Variants in RAB1A observed in about 807,000 individuals in gnomAD.
RAB1A encodes RAB1A, member RAS oncogene family.
RAB1A carries 2 observed loss-of-function variants against 26.0 expected under a neutral mutation model. The ratio of observed to expected loss-of-function variants is 0.08; its 90% CI spans 0.03 to 0.24. RAB1A has a LOEUF of 0.24. RAB1A is among the 10% of genes least tolerant of loss of function. The pLI, the probability that RAB1A is intolerant of heterozygous loss-of-function variation, is 1.00. For missense variants in RAB1A, 100 were observed against 247.0 expected (o/e 0.40, Z 3.99); for synonymous variants, 84 against 84.9 (o/e 0.99, Z 0.06).
Position 65,095,090 on chromosome 2 carries a change from C to T in RAB1A, c.192+2881G>A, listed in dbSNP as rs1421887476. ...TAGTGAGCTGACCGCTGCACTCTAGCGAGGGAGACAAAGTGAAATTTTTGT... is the reference window on the plus strand; with the variant it reads ...TAGTGAGCTGACCGCTGCACTCTAGTGAGGGAGACAAAGTGAAATTTTTGT... On this transcript the variant is annotated intron_variant, in intron 3 of 5. Transcript: ENST00000409784. 2.0e-5 allele frequency among the ~76,000 whole-genome samples: 3 copies of T among 151,542 alleles called. 1 individual carries two copies. The highest frequency in any genetic ancestry group is 4.2e-4 in the South Asian group (2 of 4,802).
intron 3 of RAB1A, among the ~76,000 whole-genome samples, chr2:65,093,843 C>G (rs763561507): frequency 6.6e-6 from 1 of 151,972 alleles, no homozygotes; most frequent in Non-Finnish European, 1.5e-5. Context: ...AGGCTGGTCA[C>G]GAACTCCTGA....
At chr2:65,121,130 A>C (rs1669954136) in intron 1 of RAB1A, among the ~76,000 whole-genome samples, 1 of 148,600 alleles carries the variant, frequency 6.7e-6, no homozygotes, top group African/African-American at 2.5e-5. Flanking sequence ...GTTACTCAGG[A>C]GGCTGAGACA....
chr2:65,105,099 C>T (rs943596730), intron 1 of RAB1A, among the ~76,000 whole-genome samples: 3 of 152,198 alleles, frequency 2.0e-5, no homozygotes, highest in African/African-American at 7.2e-5. Context: ...CACTCTTGGA[C>T]TGCCCAAGAT....
intron 2 of RAB1A, among the ~76,000 whole-genome samples, chr2:65,099,290 G>A (rs1669361969): frequency 6.6e-6 from 1 of 152,110 alleles, no homozygotes; most frequent in South Asian, 2.1e-4. Flanking sequence ...TATGTTTCCT[G>A]TCAATTTTTT....
At chr2:65,096,422 TA>T (rs2103832458) in intron 3 of RAB1A, among the ~76,000 whole-genome samples, 1 of 152,316 alleles carries the variant, frequency 6.6e-6, no homozygotes, top group Admixed American at 6.5e-5. Flanking sequence ...GACAGTGTCC[TA>T]TAAGATCCCT....
At chr2:65,114,401 G>A (rs774398609) in intron 1 of RAB1A, among the ~76,000 whole-genome samples, 1 of 152,092 alleles carries the variant, frequency 6.6e-6, no homozygotes. Flanking sequence ...TCAGCTGTAA[G>A]TACCTTAGAA....
intron 3 of RAB1A, among the ~76,000 whole-genome samples, chr2:65,091,987 T>C (rs1460464882): frequency 6.6e-6 from 1 of 152,178 alleles, no homozygotes; most frequent in African/African-American, 2.4e-5. Flanking sequence ...TTTAAAAAAC[T>C]GTTGGGACTG....
intron 2 of RAB1A, among the ~76,000 whole-genome samples, chr2:65,102,896 A>G (rs1573073236): frequency 6.6e-6 from 1 of 151,936 alleles, no homozygotes; most frequent in African/African-American, 2.4e-5. Context: ...ACTGCACTCC[A>G]GCCTGGGCAA....
intron 1 of RAB1A, among the ~76,000 whole-genome samples, chr2:65,107,970 A>G (rs529077523): frequency 2.5e-4 from 37 of 149,910 alleles, no homozygotes; most frequent in Non-Finnish European, 3.8e-4. Flanking sequence ...AGGCTGACCC[A>G]TGAGAATTGC....
chr2:65,117,570 C>G (rs1302226271), intron 1 of RAB1A, among the ~76,000 whole-genome samples: 1 of 151,800 alleles, frequency 6.6e-6, no homozygotes. Flanking sequence ...ATTTTAAATT[C>G]TTTTTTTTGT....
intron 1 of RAB1A, among the ~76,000 whole-genome samples, chr2:65,125,864 CTTTTTTTTTTTTTTT>C (rs55930968): frequency 1.3e-5 from 1 of 74,728 alleles, no homozygotes; most frequent in African/African-American, 5.4e-5. Flanking sequence ...TTTCAATTGC[CTTTTTTTTTTTTTTT>C]TTTTTTTTTT....
chr2:65,098,387 ATATTT>A (rs959738978), intron 2 of RAB1A, among the ~76,000 whole-genome samples: 2 of 152,176 alleles, frequency 1.3e-5, no homozygotes, highest in African/African-American at 4.8e-5. Flanking sequence ...ATATAGAAAA[ATATTT>A]TATATTTTCA....
At chr2:65,112,072 G>C (rs1384269963) in intron 1 of RAB1A, among the ~76,000 whole-genome samples, 1 of 151,112 alleles carries the variant, frequency 6.6e-6, no homozygotes, top group Non-Finnish European at 1.5e-5. Flanking sequence ...AACAGAACAA[G>C]ACTCCATCTC....
intron 1 of RAB1A, among the ~76,000 whole-genome samples, chr2:65,109,709 C>CAA (rs112595111): frequency 3.2e-4 from 40 of 125,244 alleles, no homozygotes; most frequent in Middle Eastern, 8.0e-3. Flanking sequence ...GACTCCATCT[C>CAA]AAAAAAAAAA....
chr2:65,109,540 C>CTTTT (rs1669645922), intron 1 of RAB1A, among the ~76,000 whole-genome samples: 1 of 148,180 alleles, frequency 6.7e-6, no homozygotes, highest in African/African-American at 2.6e-5. Context: ...CCCGTCTCTA[C>CTTTT]TAAAAAAAAA....
chr2:65,128,445 T>A (rs76262241), intron 1 of RAB1A, among the ~76,000 whole-genome samples: 1 of 152,148 alleles, frequency 6.6e-6, no homozygotes, highest in African/African-American at 2.4e-5. Context: ...AAACCAACTT[T>A]GTCCTTGGAG....
rs1453615018 is a variant in RAB1A, at chr2:65,093,538, A to G, written c.193-2460T>C. 2.0e-5 allele frequency among the ~76,000 whole-genome samples: 3 copies of G among 152,172 alleles called. No individual in the cohort carries two copies. In the East Asian group the frequency reaches 5.8e-4, roughly 29 times the overall value. ...TAAAATATAAATCAACAGAATCAAGATTTTGAAAAGACCTAGAAAACTTGA... is the reference window on the plus strand; with the variant it reads ...TAAAATATAAATCAACAGAATCAAGGTTTTGAAAAGACCTAGAAAACTTGA... On this transcript the variant is annotated intron_variant, in intron 3 of 5. Coordinates refer to ENST00000409784, the MANE Select transcript of RAB1A (RefSeq NM_004161.5).
At chr2:65,114,230 G>C (rs141695732) in intron 1 of RAB1A, 143 of 353,786 alleles carry the variant, frequency 4.0e-4, no homozygotes, top group African/African-American at 2.6e-3. Context: ...CTTTACAAAA[G>C]AAAGCTGATT....
At position 65,112,241 on chromosome 2, in the gene RAB1A, G is replaced by A. The variant is rs146568765; in HGVS notation, c.24-7435C>T. 9.0e-3 allele frequency among the ~76,000 whole-genome samples: 1,346 copies of A among 149,466 alleles called. 18 individuals are homozygous for A. Among genetic ancestry groups the A allele is most frequent in the African/African-American group, 0.029 (1,177 of 40,716 alleles). On this transcript the variant is annotated intron_variant, in intron 1 of 5. Coordinates refer to ENST00000409784, the MANE Select transcript of RAB1A (RefSeq NM_004161.5). ...GCTCACTGCAACCTCCACCTCCCCC[G>A]GGTTCAAGCGATTCACCTGCCTCAG...
Sources: gnomAD v4.1 joint callset for allele counts (sites outside exome capture counted in the v4.1 genomes callset) on GRCh38, gnomAD v4.1.1 for gene constraint, MANE v1.5 for transcripts, NCBI Gene and HGNC (gene_info 2026-07-23, HGNC 2026-07-21) for gene names.